The following CLHC1 variants were observed in gnomAD, a reference collection of about 807,000 sequenced individuals.
CLHC1 encodes clathrin heavy chain linker domain containing 1, also known as clathrin heavy chain linker domain-containing protein 1.
Under a neutral mutation model 69.5 loss-of-function variants are expected in CLHC1, and 72 were observed. The observed-to-expected ratio is 1.04, with a 90% CI of 0.86 to 1.26. CLHC1 has a LOEUF of 1.26. Among genes scored for constraint, CLHC1 ranks in the 50% most tolerant of loss-of-function variants. CLHC1 has a pLI of 0.00. For missense variants in CLHC1, 790 were observed against 679.3 expected, an observed-to-expected ratio of 1.16 and a Z score of -1.81; for synonymous variants, 223 against 224.3, an observed-to-expected ratio of 0.99 and a Z score of 0.05.
At chr2:55,229,103 A>T (rs572881770) in intron 1 of CLHC1, among the ~76,000 whole-genome samples, 6 of 148,048 alleles carry the variant, frequency 4.1e-5, no homozygotes, top group Admixed American at 2.7e-4. Flanking sequence ...GTGGGCTAAG[A>T]TCATACCACT....
chr2:55,203,099 C>G (rs1211142653), intron 9 of CLHC1, among the ~76,000 whole-genome samples: 1 of 152,008 alleles, frequency 6.6e-6, no homozygotes, highest in Non-Finnish European at 1.5e-5. Context: ...CTAGAATTAA[C>G]CAAAGCACTG....
At chr2:55,200,043 G>T (rs550419823) in intron 9 of CLHC1, among the ~76,000 whole-genome samples, 1 of 152,032 alleles carries the variant, frequency 6.6e-6, no homozygotes, top group South Asian at 2.1e-4. Context: ...AGGCAACATG[G>T]TGAGACCTTG....
At chr2:55,228,610 T>C (rs902158813) in intron 1 of CLHC1, among the ~76,000 whole-genome samples, 3 of 152,120 alleles carry the variant, frequency 2.0e-5, no homozygotes, top group Admixed American at 6.5e-5. Context: ...GTAAGCACAA[T>C]AGGCTACAGA....
intron 9 of CLHC1, among the ~76,000 whole-genome samples, chr2:55,202,035 A>G (rs1671991240): frequency 6.6e-6 from 1 of 152,200 alleles, no homozygotes; most frequent in Admixed American, 6.5e-5. Flanking sequence ...GCCATATATG[A>G]CAGAACCACA....
Position 55,200,883 on chromosome 2 carries a change from G to T in CLHC1, c.1006+5387C>A, listed in dbSNP as rs189948973. On this transcript the variant is annotated intron_variant, in intron 9 of 12. Transcript: ENST00000401408. ...GAAATCAATAAGAAGAGGAATTTTG[G>T]AAACCATACAAATATGGAAACTAAA... Among the ~76,000 whole-genome samples the T allele has an allele frequency of 6.6e-5, 10 of 152,234 alleles. No homozygotes were observed. The East Asian group carries it at 1.9e-3, about 29-fold the overall frequency.
At chr2:55,176,745 T>A (rs1276896718) in intron 12 of CLHC1, among the ~76,000 whole-genome samples, 1 of 152,192 alleles carries the variant, frequency 6.6e-6, no homozygotes, top group Non-Finnish European at 1.5e-5. Flanking sequence ...AATATTTTAG[T>A]TGATATCTGT....
At chr2:55,202,672 T>C (rs1308409904) in intron 9 of CLHC1, among the ~76,000 whole-genome samples, 3 of 151,762 alleles carry the variant, frequency 2.0e-5, no homozygotes, top group Middle Eastern at 3.4e-3. Context: ...CAAGGCGGGC[T>C]GATCACTTGA....
At chr2:55,192,276 T>G (rs551348558) in intron 9 of CLHC1, among the ~76,000 whole-genome samples, 31 of 152,078 alleles carry the variant, frequency 2.0e-4, no homozygotes, top group African/African-American at 7.5e-4. Flanking sequence ...CTCACCACCA[T>G]GCCCAGCTAA....
Position 55,211,268 on chromosome 2 carries a change from G to A in CLHC1, c.499+1405C>T, listed in dbSNP as rs549167317. Reference sequence around the variant, plus strand: ...TGTAATCCCAGCACTTTGGGAGGCCGAGATGGGCAGATCACAAGGTCAGGA... The same window carrying A: ...TGTAATCCCAGCACTTTGGGAGGCCAAGATGGGCAGATCACAAGGTCAGGA... On this transcript the variant is annotated intron_variant, in intron 5 of 12. Transcript: ENST00000401408. 1.2e-4 allele frequency among the ~76,000 whole-genome samples: 18 copies of A among 152,038 alleles called. No homozygotes were observed. In the South Asian group the frequency reaches 1.5e-3, roughly 12 times the overall value.
chr2:55,206,425 A>T, intron 8 of CLHC1, 49 bp from the exon 9 acceptor site: 1 of 1,040,336 alleles, frequency 9.6e-7, no homozygotes, highest in South Asian at 1.3e-5. Flanking sequence ...AAAGAAAAAG[A>T]GAAAAAACTG....
intron 7 of CLHC1, 99 bp downstream of exon 7, chr2:55,209,305 G>T (rs1030049562): frequency 4.3e-6 from 3 of 696,784 alleles, no homozygotes; most frequent in Non-Finnish European, 7.4e-6. Flanking sequence ...GTATGATCTT[G>T]CTTTATTTAA....
At chr2:55,181,893 A>G in intron 9 of CLHC1, 149 bp from the exon 10 acceptor site, 1 of 645,014 alleles carries the variant, frequency 1.6e-6, no homozygotes. Context: ...ATGCTTATAG[A>G]TTAAACTTTA....
At chr2:55,184,373 G>A (rs1163775796) in intron 9 of CLHC1, among the ~76,000 whole-genome samples, 1 of 151,990 alleles carries the variant, frequency 6.6e-6, no homozygotes, top group Non-Finnish European at 1.5e-5. Context: ...CCAAAGTGTT[G>A]CTATTACAGG....
intron 9 of CLHC1, 27 bp downstream of exon 9, chr2:55,206,243 A>G: frequency 7.7e-7 from 1 of 1,302,774 alleles, no homozygotes; most frequent in Non-Finnish European, 1.1e-6. Context: ...TTTCATACAT[A>G]TATAAGGTTC....
At chr2:55,218,760 A>C (rs1353488770) in intron 3 of CLHC1, among the ~76,000 whole-genome samples, 1 of 152,246 alleles carries the variant, frequency 6.6e-6, no homozygotes, top group Non-Finnish European at 1.5e-5. Context: ...TCAAAAAATA[A>C]AAATAGAAAA....
At chr2:55,196,547 A>C (rs1331541097) in intron 9 of CLHC1, among the ~76,000 whole-genome samples, 1 of 152,146 alleles carries the variant, frequency 6.6e-6, no homozygotes, top group African/African-American at 2.4e-5. Flanking sequence ...CCCCTATTCC[A>C]GGCCCCCCAA....
chr2:55,190,504 C>A (rs368484013), intron 9 of CLHC1, among the ~76,000 whole-genome samples: 1 of 152,078 alleles, frequency 6.6e-6, no homozygotes, highest in African/African-American at 2.4e-5. Flanking sequence ...TTATTTCACA[C>A]TTACGAGGGA....
At position 55,209,351 on chromosome 2, in the gene CLHC1, CG is replaced by C. The variant is rs1295440129; in HGVS notation, c.814+52del. 6.3e-6 allele frequency: 7 copies of C among 1,112,494 alleles called. No homozygotes were observed. The African/African-American group carries it at 1.2e-4, about 20-fold the overall frequency. 68.9% of individuals were successfully genotyped at this position (1,112,494 alleles called of 1,614,324 possible). On this transcript the variant is annotated intron_variant, in intron 7 of 12. Transcript: ENST00000401408. Reference sequence around the variant, plus strand: ...AGAAAACCCCATTCTAACTAGCTAGCGAAAAAAATGTCTTCCATTATTGGTA... The same window carrying C: ...AGAAAACCCCATTCTAACTAGCTAGCAAAAAAATGTCTTCCATTATTGGTA...
intron 9 of CLHC1, 120 bp from the exon 10 acceptor site, chr2:55,181,864 C>T: frequency 1.3e-6 from 1 of 755,292 alleles, no homozygotes; most frequent in East Asian, 2.7e-5. Context: ...TAAAATTACA[C>T]ATTTATAATT....
Sources: allele counts gnomAD v4.1 joint callset (sites outside exome capture counted in the v4.1 genomes callset), GRCh38; gene constraint gnomAD v4.1.1; transcripts MANE v1.5; gene names NCBI Gene and HGNC (gene_info 2026-07-23, HGNC 2026-07-21).